The following CREBBP variants were observed in gnomAD, a reference collection of about 807,000 sequenced individuals.
The protein encoded by CREBBP is CREB binding lysine acetyltransferase.
Under a neutral mutation model 265.0 loss-of-function variants are expected in CREBBP, and 19 were observed. That is an observed-to-expected ratio of 0.07 (90% CI 0.05 to 0.11). The LOEUF (loss-of-function observed/expected upper bound fraction) is 0.11. CREBBP is among the 10% of genes least tolerant of loss of function. The probability of loss-of-function intolerance (pLI) is 1.00; values close to 1 mark genes in which losing one functional copy is unlikely to be tolerated. For missense variants in CREBBP, 2,525 were observed against 3,219.0 expected, an observed-to-expected ratio of 0.78 and a Z score of 5.22; for synonymous variants, 1,457 against 1,223.7, an observed-to-expected ratio of 1.19 and a Z score of -3.98.
At chr16:3,848,171 G>GAA (rs573387424) in intron 2 of CREBBP, among the ~76,000 whole-genome samples, 15 of 114,886 alleles carry the variant, frequency 1.3e-4, no homozygotes, top group South Asian at 2.6e-4. Context: ...CTCCATCTCA[G>GAA]AAAAAAAAAA....
At chr16:3,791,004 A>G (rs1461737861) in intron 5 of CREBBP, among the ~76,000 whole-genome samples, 4 of 152,208 alleles carry the variant, frequency 2.6e-5, no homozygotes, top group Admixed American at 2.6e-4. Context: ...AATGAGAGGA[A>G]TGAACACGTA....
intron 24 of CREBBP, 71 bp downstream of exon 24, chr16:3,740,328 G>A (rs2052171882): frequency 6.3e-7 from 1 of 1,581,448 alleles, no homozygotes; most frequent in Non-Finnish European, 8.7e-7. Context: ...CAAGAGCTTT[G>A]CAGAGAGCAG....
At chr16:3,745,411 C>T (rs2151356354) in intron 21 of CREBBP, 57 bp from the exon 22 acceptor site, 1 of 1,523,334 alleles carries the variant, frequency 6.6e-7, no homozygotes. Flanking sequence ...ACCAGAGTCA[C>T]TTGTAGAAGT....
chr16:3,851,154 A>G (rs917890733), intron 1 of CREBBP, 145 bp from the exon 2 acceptor site: 1 of 731,080 alleles, frequency 1.4e-6, no homozygotes, highest in Non-Finnish European at 2.4e-6. Context: ...TGGGTGTGGT[A>G]GCGCATGCCT....
intron 5 of CREBBP, among the ~76,000 whole-genome samples, chr16:3,787,505 A>G (rs750675538): frequency 3.0e-4 from 45 of 151,942 alleles, no homozygotes; most frequent in Non-Finnish European, 4.3e-4. Context: ...AGAGGTGAAA[A>G]TCTCTGAAGG....
chr16:3,866,354 G>A (rs956068627), intron 1 of CREBBP, among the ~76,000 whole-genome samples: 5 of 152,120 alleles, frequency 3.3e-5, no homozygotes, highest in African/African-American at 1.2e-4. Flanking sequence ...AATGGAGCTT[G>A]TGACAAAGCA....
In CREBBP at chr16:3,731,123, T is replaced by C. The variant is rs1359342379; in HGVS notation, c.5172+69A>G. ...GTACAGACACCAACCCGGGCACCCATGCAAAGGGACAGGATGCTTCGTCAG... is the reference window on the plus strand; with the variant it reads ...GTACAGACACCAACCCGGGCACCCACGCAAAGGGACAGGATGCTTCGTCAG... On this transcript the variant is annotated intron_variant, in intron 30 of 30. Coordinates refer to ENST00000262367, the MANE Select transcript of CREBBP (RefSeq NM_004380.3). The surrounding 1 kb of genome is among the most constrained non-coding windows in gnomAD (Gnocchi z 7.7). 3.9e-6 allele frequency: 6 copies of C among 1,538,866 alleles called. No homozygotes were observed. In the East Asian group the frequency reaches 6.8e-5, roughly 17 times the overall value.
chr16:3,861,250 C>A (rs575651164), intron 1 of CREBBP, among the ~76,000 whole-genome samples: 1 of 152,230 alleles, frequency 6.6e-6, no homozygotes, highest in Non-Finnish European at 1.5e-5. Context: ...GCCTGGGCAA[C>A]AAGGGCAAAA....
chr16:3,876,986 C>T (rs1177320040), intron 1 of CREBBP, among the ~76,000 whole-genome samples: 2 of 152,176 alleles, frequency 1.3e-5, no homozygotes, highest in Non-Finnish European at 2.9e-5. Context: ...TCACTGCCAC[C>T]CTTCACAGAC....
Position 3,758,941 on chromosome 16 carries a change from G to A in CREBBP, c.3282C>T (p.Leu1094=). 1.2e-6 allele frequency: 2 copies of A among 1,613,170 alleles called. No homozygotes were observed. Among genetic ancestry groups the A allele is most frequent in the Non-Finnish European group, 1.7e-6 (2 of 1,179,998 alleles). Residue 1094 remains leucine (L), a synonymous_variant, in exon 17 of 31, where the codon CTC becomes CTT. Coordinates refer to ENST00000262367, the MANE Select transcript of CREBBP (RefSeq NM_004380.3). ...GATACAGTGCTTCTAGGGTTGGCATGAGGGCCTGGCGTAACTCCTCTGGTT... is the reference window on the plus strand; with the variant it reads ...GATACAGTGCTTCTAGGGTTGGCATAAGGGCCTGGCGTAACTCCTCTGGTT... The part of the protein sequence containing the change: ...IFKPEELRQA[L]MPTLEALYRQ...
rs916927830 is a variant in CREBBP at position 3,827,136 on chromosome 16, C to T, written c.799-16357G>A. ...AGCCTGTGAACGGCCACTGCTTGGG[C>T]AACATAATAGCAAGATCTATCTCTC... is the stretch of plus-strand genomic sequence containing the variant. On this transcript the variant is annotated intron_variant, in intron 2 of 30. Coordinates refer to ENST00000262367, the MANE Select transcript of CREBBP (RefSeq NM_004380.3). Among the ~76,000 whole-genome samples, 5 of 149,788 alleles carry T rather than the reference C, an allele frequency of 3.3e-5. No individual in the cohort carries two copies. In the South Asian group the frequency reaches 8.4e-4, roughly 25 times the overall value.
At chr16:3,827,027 C>A (rs1226846544) in intron 2 of CREBBP, among the ~76,000 whole-genome samples, 1 of 152,030 alleles carries the variant, frequency 6.6e-6, no homozygotes, top group Non-Finnish European at 1.5e-5. Context: ...TCAGTTGCAC[C>A]GCCTGTAGTT....
intron 15 of CREBBP, among the ~76,000 whole-genome samples, chr16:3,768,157 T>G (rs1157611201): frequency 2.4e-5 from 3 of 126,658 alleles, no homozygotes; most frequent in Admixed American, 7.9e-5. Flanking sequence ...TTTTTTTTTT[T>G]TTTTTTTTTT....
At chr16:3,835,725 G>A (rs570106274) in intron 2 of CREBBP, among the ~76,000 whole-genome samples, 2 of 151,774 alleles carry the variant, frequency 1.3e-5, no homozygotes, top group East Asian at 1.9e-4. Flanking sequence ...GACTACAGGC[G>A]CCTGGCACCA....
intron 5 of CREBBP, among the ~76,000 whole-genome samples, chr16:3,789,980 T>C (rs1227643269): frequency 1.3e-5 from 2 of 152,080 alleles, no homozygotes; most frequent in Non-Finnish European, 2.9e-5. Flanking sequence ...ACAACTGTCA[T>C]GGTAGTATGT....
At chr16:3,848,910 A>ATTGAGCATTACTTCATC (rs1343754894) in intron 2 of CREBBP, among the ~76,000 whole-genome samples, 3 of 152,190 alleles carry the variant, frequency 2.0e-5, no homozygotes, top group Admixed American at 6.5e-5. Context: ...CAATTTAAAC[A>ATTGAGCATTACTTCATC]TTGAGCATTA....
intron 11 of CREBBP, among the ~76,000 whole-genome samples, chr16:3,775,963 C>G (rs564133064): frequency 1.3e-5 from 2 of 151,740 alleles, no homozygotes; most frequent in African/African-American, 4.8e-5. Context: ...GTTGCCCAGG[C>G]TGGAGTGCAG....
chr16:3,765,924 T>A (rs1283096213), intron 16 of CREBBP, among the ~76,000 whole-genome samples: 1 of 152,066 alleles, frequency 6.6e-6, no homozygotes. Flanking sequence ...ATTCCTGGGC[T>A]CAAGCAATCC....
chr16:3,777,767 C>G, intron 10 of CREBBP, 110 bp from the exon 11 acceptor site: 2 of 1,324,566 alleles, frequency 1.5e-6, no homozygotes, highest in South Asian at 1.2e-5. Context: ...AAAGGGAAAA[C>G]AGCCAATAGG....
Sources: gnomAD v4.1 joint callset for allele counts (sites outside exome capture counted in the v4.1 genomes callset) on GRCh38, gnomAD v4.1.1 for gene constraint, Gnocchi (gnomAD v3.1) non-coding constraint, MANE v1.5 for transcripts, NCBI Gene and HGNC (gene_info 2026-07-23, HGNC 2026-07-21) for gene names.